CCDC137: variants seen among roughly 807,000 people sequenced by gnomAD.
CCDC137 encodes the protein coiled-coil domain-containing protein 137.
A neutral mutation model predicts 30.4 loss-of-function variants in CCDC137; 24 were observed. The observed-to-expected ratio is 0.79, with a 90% CI of 0.57 to 1.11. The LOEUF (loss-of-function observed/expected upper bound fraction) is 1.11, where lower values mean the gene tolerates loss of function less well. Ranked by LOEUF, CCDC137 falls within the 50% of genes least tolerant of loss-of-function variation. The pLI is 0.00. For missense variants in CCDC137, 417 were observed against 380.4 expected (o/e 1.10, Z -0.80); for synonymous variants, 182 against 155.7 (o/e 1.17, Z -1.26).
chr17:81,672,237 G>A lies in CCDC137; in HGVS notation c.660+82G>A, dbSNP rs915569585. 35 of 1,394,146 alleles carry A rather than the reference G, an allele frequency of 2.5e-5. 2 individuals carry two copies. In the South Asian group the frequency reaches 3.9e-4, roughly 16 times the overall value. The allele number at this position is 1,394,146 out of a possible 1,614,324, so 86.4% of individuals were successfully genotyped here. A position where few individuals can be genotyped will look rare whatever the true frequency, so the allele number is the denominator to read the frequency against. ...AGCCTTGGACAGGCTGGACACGGTG[G>A]GTCACACCTGTAATCCCAGCACATT... On this transcript the variant is annotated intron_variant, in intron 5 of 5. Transcript: ENST00000329214.
intron 2 of CCDC137, among the ~76,000 whole-genome samples, chr17:81,669,690 G>T (rs1274891078): frequency 6.6e-6 from 1 of 152,140 alleles, no homozygotes; most frequent in Non-Finnish European, 1.5e-5. Flanking sequence ...CTCCCGAGTA[G>T]TTGGGACTAC....
At chr17:81,667,955 A>T in intron 2 of CCDC137, 93 bp downstream of exon 2, 1 of 1,444,120 alleles carries the variant, frequency 6.9e-7, no homozygotes, top group Non-Finnish European at 9.3e-7. Context: ...AGGCAGAGGA[A>T]ATATGCCAAG....
Position 81,672,584 on chromosome 17 carries a change from T to G in CCDC137, c.750T>G (p.Ile250Met). 1 of 1,583,224 alleles carries G rather than the reference T, an allele frequency of 6.3e-7. No individual in the cohort carries two copies. The highest frequency in any genetic ancestry group is 8.6e-7 in the Non-Finnish European group (1 of 1,165,530). ...PLTASLARQR[I>M]VEEERERAVQ... Reference sequence around the variant, plus strand: ...CCGCCTCCCTGGCCCGCCAGCGGATTGTGGAGGAGGAGAGAGAGCGGGCCG... The same window carrying G: ...CCGCCTCCCTGGCCCGCCAGCGGATGGTGGAGGAGGAGAGAGAGCGGGCCG... The change falls in exon 6 of 6, where the codon ATT (isoleucine) becomes ATG (methionine). Residue 250 changes from isoleucine (I) to methionine (M), a missense_variant. Ile to Met is a conservative substitution (Grantham distance 10). Transcript: ENST00000329214.
chr17:81,667,678 C>A (rs200654672), intron 1 of CCDC137, 51 bp from the exon 2 acceptor site: 4 of 1,602,540 alleles, frequency 2.5e-6, no homozygotes, highest in Non-Finnish European at 3.4e-6. Flanking sequence ...CTTACTGATT[C>A]TGCTTGTGCT....
rs199510480 is a variant in CCDC137, at chr17:81,667,881, T to G, written c.268+19T>G. ...AAAGCAGGTGTGTGCAGGCCCATACTGGGCGGCAGTGAAGCTTTGTGTGTC... is the reference window on the plus strand; with the variant it reads ...AAAGCAGGTGTGTGCAGGCCCATACGGGGCGGCAGTGAAGCTTTGTGTGTC... On this transcript the variant is annotated intron_variant, in intron 2 of 5. Coordinates refer to ENST00000329214, the MANE Select transcript of CCDC137 (RefSeq NM_199287.3). 8 of 1,607,378 alleles carry G rather than the reference T, an allele frequency of 5.0e-6. No individual in the cohort carries two copies. Among genetic ancestry groups the G allele is most frequent in the Admixed American group, 1.7e-5 (1 of 59,044 alleles).
Position 81,667,814 on chromosome 17 carries a change from C to A in CCDC137, c.220C>A (p.Arg74Ser), listed in dbSNP as rs768503843. The change falls in exon 2 of 6, where the codon CGC becomes AGC. Residue 74 changes from arginine (R) to serine (S), a missense_variant. Transcript: ENST00000329214. ...CCGGCTCCGGGAGATTATGAGGAGC[C>A]GCCAAGAGATGAAAAACCCGATCAG... is the stretch of plus-strand genomic sequence containing the variant. ...PFRLREIMRS[R>S]QEMKNPISNK... 6.2e-7 allele frequency: 1 copy of A among 1,612,464 alleles called. No individual in the cohort carries two copies. Among genetic ancestry groups the A allele is most frequent in the African/African-American group, 1.3e-5 (1 of 74,970 alleles).
At chr17:81,671,866 G>A in intron 4 of CCDC137, 40 bp downstream of exon 4, 1 of 1,608,110 alleles carries the variant, frequency 6.2e-7, no homozygotes, top group South Asian at 1.1e-5. Context: ...AGTGGTCCGG[G>A]TGGGGCCTGG....
rs183712431 is a variant in CCDC137, at chr17:81,667,862, G to A, written c.268G>A (p.Ala90Thr). 6.2e-7 allele frequency: 1 copy of A among 1,611,174 alleles called. No individual in the cohort carries two copies. Among genetic ancestry groups the A allele is most frequent in the Non-Finnish European group, 8.5e-7 (1 of 1,179,772 alleles). The change falls in exon 2 of 6, where the codon GCC (alanine) becomes ACC (threonine). Residue 90 changes from alanine to threonine, a missense_variant and splice_region_variant. Ala to Thr is a moderately conservative substitution (Grantham distance 58). Coordinates refer to ENST00000329214, the MANE Select transcript of CCDC137 (RefSeq NM_199287.3). ...PISNKKRKKA[A>T]QVTFRKTLEK... Reference sequence around the variant, plus strand: ...CAGTAACAAGAAGAGGAAGAAAGCAGGTGTGTGCAGGCCCATACTGGGCGG... The same window carrying A: ...CAGTAACAAGAAGAGGAAGAAAGCAAGTGTGTGCAGGCCCATACTGGGCGG...
At chr17:81,671,552 G>T in intron 3 of CCDC137, 192 bp from the exon 4 acceptor site, 1 of 586,322 alleles carries the variant, frequency 1.7e-6, no homozygotes, top group Non-Finnish European at 3.1e-6. Flanking sequence ...GGGGCCTGTT[G>T]GGGTCAGAGC....
intron 3 of CCDC137, 41 bp from the exon 4 acceptor site, chr17:81,671,703 G>A (rs2036720958): frequency 1.2e-6 from 2 of 1,605,350 alleles, no homozygotes; most frequent in Non-Finnish European, 1.7e-6. Context: ...TGGGTGGAAA[G>A]AGAATTTAGG....
intron 3 of CCDC137, 122 bp downstream of exon 3, chr17:81,670,575 G>C: frequency 1.2e-6 from 1 of 827,946 alleles, no homozygotes; most frequent in Non-Finnish European, 1.9e-6. Flanking sequence ...GATTCAGGGA[G>C]ACCAAGCCAG....
rs751746873 is a variant in CCDC137 at position 81,666,749 on chromosome 17, G to C, written c.-18G>C. 1 of 1,453,742 alleles carries C rather than the reference G, an allele frequency of 6.9e-7. No homozygotes were observed. Among genetic ancestry groups the C allele is most frequent in the East Asian group, 2.7e-5 (1 of 36,696 alleles). 90.1% of individuals were successfully genotyped at this position (1,453,742 alleles called of 1,614,324 possible). ...GGAAGGCGGAAGTGGCTTCGCTAGG[G>C]AGCCTCCCGGCGTGGAGATGGCGGG... On this transcript the variant is annotated 5_prime_UTR_variant, in exon 1 of 6. Transcript: ENST00000329214.
rs61742303 is a variant in CCDC137, at chr17:81,667,744, A to T, written c.150A>T (p.Lys50Asn). 0.15 allele frequency: 245,666 copies of T among 1,613,330 alleles called. 19,870 individuals are homozygous for T. Among genetic ancestry groups the T allele is most frequent in the African/African-American group, 0.19 (14,160 of 74,928 alleles). Residue 50 changes from lysine (K) to asparagine (N), a missense_variant, in exon 2 of 6, where the codon AAA (lysine) becomes AAT (asparagine). Physicochemically the swap from Lys to Asn is moderately conservative, Grantham distance 94. Coordinates refer to ENST00000329214, the MANE Select transcript of CCDC137 (RefSeq NM_199287.3). ...TTTCTCCCAGCAAAGAGAAGAAGAA[A>T]GTGAACTGCAAGCCCAAGAACCAGG... The part of the protein sequence containing the change: ...WPGLRSKEKK[K>N]VNCKPKNQDE...
chr17:81,670,426 A>G lies in CCDC137; in HGVS notation c.470A>G (p.Lys157Arg). 6.2e-7 allele frequency: 1 copy of G among 1,613,554 alleles called. No homozygotes were observed. The highest frequency in any genetic ancestry group is 8.5e-7 in the Non-Finnish European group (1 of 1,179,980). Residue 157 changes from lysine to arginine, a missense_variant, in exon 3 of 6, where the codon AAG (lysine) becomes AGG (arginine). Transcript: ENST00000329214. ...GAGGTGCAGGCAGCTCCCAAGGAGAAGTCTGAGCAGAAAAAAGCAAAAAAA... is the reference window on the plus strand; with the variant it reads ...GAGGTGCAGGCAGCTCCCAAGGAGAGGTCTGAGCAGAAAAAAGCAAAAAAA... ...QPEVQAAPKE[K>R]SEQKKAKKAF...
At chr17:81,672,248 T>TAA in intron 5 of CCDC137, 93 bp downstream of exon 5, 1 of 1,318,428 alleles carries the variant, frequency 7.6e-7, no homozygotes, top group Non-Finnish European at 1.1e-6. Context: ...GTCACACCTG[T>TAA]AATCCCAGCA....
In CCDC137 at chr17:81,673,556, C is replaced by G. The variant is rs1265233712; in HGVS notation, c.*852C>G. 1.3e-5 allele frequency: 2 copies of G among 152,304 alleles called. No individual in the cohort carries two copies. The highest frequency in any genetic ancestry group is 2.9e-5 in the Non-Finnish European group (2 of 68,102). The allele number at this position is 152,304 out of a possible 1,614,324, so 9.4% of individuals were successfully genotyped here. On this transcript the variant is annotated 3_prime_UTR_variant, in exon 6 of 6. Coordinates refer to ENST00000329214, the MANE Select transcript of CCDC137 (RefSeq NM_199287.3). ...GGGGAGTTCCTGCTGAGGGCAGGGCCTTGCCAGGCTTCAGTCTCCAGTGCC... is the reference window on the plus strand; with the variant it reads ...GGGGAGTTCCTGCTGAGGGCAGGGCGTTGCCAGGCTTCAGTCTCCAGTGCC...
intron 3 of CCDC137, 124 bp downstream of exon 3, chr17:81,670,577 C>T (rs1294795002): frequency 7.3e-6 from 6 of 827,382 alleles, no homozygotes; most frequent in Non-Finnish European, 1.1e-5. Context: ...TTCAGGGAGA[C>T]CAAGCCAGAG....
At position 81,673,687 on chromosome 17, in the gene CCDC137, T is replaced by C. The variant is rs952725694; in HGVS notation, c.*983T>C. 2 of 152,206 alleles carry C rather than the reference T, an allele frequency of 1.3e-5. No individual in the cohort carries two copies. The highest frequency in any genetic ancestry group is 6.5e-5 in the Admixed American group (1 of 15,268). The allele number at this position is 152,206 out of a possible 1,614,324, so 9.4% of individuals were successfully genotyped here. On this transcript the variant is annotated 3_prime_UTR_variant, in exon 6 of 6. Coordinates refer to ENST00000329214, the MANE Select transcript of CCDC137 (RefSeq NM_199287.3). ...AATGGAGTCCGACAGCCCAGCACCATCTGGGAACTGAGAAGCACCTCTGCC... is the reference window on the plus strand; with the variant it reads ...AATGGAGTCCGACAGCCCAGCACCACCTGGGAACTGAGAAGCACCTCTGCC...
Position 81,670,473 on chromosome 17 carries a change from G to A in CCDC137, c.497+20G>A, listed in dbSNP as rs1304080493. 1.3e-6 allele frequency: 2 copies of A among 1,599,846 alleles called. No homozygotes were observed. Among genetic ancestry groups the A allele is most frequent in the Non-Finnish European group, 1.7e-6 (2 of 1,171,336 alleles). ...AAAAGCGTGAGTGGAGGCGGGAGGGGGAGGGGTCTGCCCTGGGAGCCGGAG... is the reference window on the plus strand; with the variant it reads ...AAAAGCGTGAGTGGAGGCGGGAGGGAGAGGGGTCTGCCCTGGGAGCCGGAG... On this transcript the variant is annotated intron_variant, in intron 3 of 5. Transcript: ENST00000329214.
Sources: allele counts gnomAD v4.1 joint callset (sites outside exome capture counted in the v4.1 genomes callset), GRCh38; gene constraint gnomAD v4.1.1; transcripts MANE v1.5; gene names NCBI Gene and HGNC (gene_info 2026-07-23, HGNC 2026-07-21).